The following PLCE1 variants were observed in gnomAD, a reference collection of about 807,000 sequenced individuals.
PLCE1 encodes 1-phosphatidylinositol 4,5-bisphosphate phosphodiesterase epsilon-1.
A neutral mutation model predicts 242.8 loss-of-function variants in PLCE1; 119 were observed. The observed-to-expected ratio is 0.49, with a 90% CI of 0.42 to 0.57. The LOEUF is 0.57. Among genes scored for constraint, PLCE1 ranks in the 20% least tolerant of loss-of-function variants. The probability of loss-of-function intolerance (pLI) is 0.00; values close to 1 mark genes in which losing one functional copy is unlikely to be tolerated. For missense variants in PLCE1, 2,441 were observed against 2,788.8 expected (o/e 0.88, Z 2.81); for synonymous variants, 945 against 1,017.4 (o/e 0.93, Z 1.35).
At chr10:94,039,985 T>C (rs898017804) in intron 2 of PLCE1, among the ~76,000 whole-genome samples, 11 of 152,228 alleles carry the variant, frequency 7.2e-5, no homozygotes, top group Non-Finnish European at 7.3e-5. Flanking sequence ...TATAGATATA[T>C]GAATGAAGAT....
rs1589422307 is a variant in PLCE1 at position 94,252,399 on chromosome 10, C to A, written c.3180C>A (p.Ser1060Arg). 6.2e-7 allele frequency: 1 copy of A among 1,614,018 alleles called. No homozygotes were observed. The highest frequency in any genetic ancestry group is 8.5e-7 in the Non-Finnish European group (1 of 1,179,972). The change falls in exon 9 of 33, where the codon AGC becomes AGA. Residue 1060 changes from serine to arginine, a missense_variant. This residue lies in a region of PLCE1 where 1,004 missense variants were observed against 1,322.7 expected (regional missense o/e 0.76). Transcript: ENST00000371380. Reference sequence around the variant, plus strand: ...GACGGTGGAGTGCTCGAAACCCCAGCCCCGGAACATCAGCAAAGAATGCTG... The same window carrying A: ...GACGGTGGAGTGCTCGAAACCCCAGACCCGGAACATCAGCAAAGAATGCTG... ...GGRRWSARNP[S>R]PGTSAKNAEK...
chr10:94,188,260 T>C (rs1057071149), intron 4 of PLCE1, among the ~76,000 whole-genome samples: 6 of 152,276 alleles, frequency 3.9e-5, no homozygotes, highest in Admixed American at 3.9e-4. Context: ...TGTATATTTA[T>C]AGTCCTTTAA....
intron 2 of PLCE1, among the ~76,000 whole-genome samples, chr10:94,032,771 A>G (rs1478224051): frequency 6.6e-6 from 1 of 152,180 alleles, no homozygotes; most frequent in Non-Finnish European, 1.5e-5. Context: ...AATAGAAATC[A>G]TCATAAAGGA....
intron 23 of PLCE1, among the ~76,000 whole-genome samples, chr10:94,296,946 T>A (rs984265698): frequency 1.3e-5 from 2 of 152,036 alleles, no homozygotes; most frequent in Non-Finnish European, 2.9e-5. Context: ...CGATCTCAGC[T>A]CACTGCAACC....
intron 11 of PLCE1, among the ~76,000 whole-genome samples, chr10:94,256,133 C>T (rs892402917): frequency 1.3e-5 from 2 of 151,392 alleles, no homozygotes; most frequent in African/African-American, 4.9e-5. Flanking sequence ...TCGAGACCAG[C>T]CTGAGCAACA....
chr10:94,027,967 T>A (rs2061485072), intron 1 of PLCE1, among the ~76,000 whole-genome samples: 1 of 152,122 alleles, frequency 6.6e-6, no homozygotes, highest in Non-Finnish European at 1.5e-5. Flanking sequence ...AACAGCATAG[T>A]CTATGGCTAA....
At chr10:94,052,725 A>G (rs1052628373) in intron 2 of PLCE1, among the ~76,000 whole-genome samples, 2 of 152,088 alleles carry the variant, frequency 1.3e-5, no homozygotes, top group Non-Finnish European at 1.5e-5. Flanking sequence ...AAAATTAATT[A>G]TGGCTTTGGG....
At chr10:94,321,062 T>A (rs1316765177) in intron 29 of PLCE1, among the ~76,000 whole-genome samples, 2 of 152,198 alleles carry the variant, frequency 1.3e-5, no homozygotes, top group Admixed American at 1.3e-4. Context: ...ATTAATCTAA[T>A]TCTCATAATT....
intron 6 of PLCE1, chr10:94,235,614 T>TC (rs1448627888): frequency 1.0e-5 from 4 of 390,414 alleles, no homozygotes; most frequent in Non-Finnish European, 1.4e-5. Flanking sequence ...ACCATGCTCT[T>TC]CCTCTGCAAA....
intron 1 of PLCE1, among the ~76,000 whole-genome samples, chr10:94,004,549 A>C (rs1223584): frequency 6.6e-6 from 1 of 151,960 alleles, no homozygotes; most frequent in Non-Finnish European, 1.5e-5. Flanking sequence ...TAGCTACTGC[A>C]TGGGTGTCTT....
chr10:93,995,730 T>C (rs540995000), intron 1 of PLCE1, among the ~76,000 whole-genome samples: 69 of 152,374 alleles, frequency 4.5e-4, no homozygotes, highest in African/African-American at 1.6e-3. Context: ...CCAGGAGCCA[T>C]GTCTTACCAG....
At chr10:94,266,861 A>G (rs771701016) in intron 16 of PLCE1, among the ~76,000 whole-genome samples, 6 of 152,114 alleles carry the variant, frequency 3.9e-5, no homozygotes, top group African/African-American at 7.2e-5. Context: ...TTTAAACTCT[A>G]TTTTCTAAGG....
At chr10:94,177,905 C>G (rs1471714843) in intron 4 of PLCE1, among the ~76,000 whole-genome samples, 1 of 152,204 alleles carries the variant, frequency 6.6e-6, no homozygotes, top group Non-Finnish European at 1.5e-5. Context: ...CTACCTCTCC[C>G]CTCTTTCCTG....
intron 2 of PLCE1, among the ~76,000 whole-genome samples, chr10:94,072,374 T>C (rs1490595015): frequency 6.6e-6 from 1 of 152,082 alleles, no homozygotes; most frequent in Non-Finnish European, 1.5e-5. Flanking sequence ...CCTCCCAGGT[T>C]CACGCCATTC....
At chr10:94,318,189 C>G (rs1020813694) in intron 29 of PLCE1, among the ~76,000 whole-genome samples, 2 of 152,196 alleles carry the variant, frequency 1.3e-5, no homozygotes, top group Non-Finnish European at 2.9e-5. Flanking sequence ...CCCCAGCCTT[C>G]TCTCCCTATT....
At chr10:94,164,451 T>C (rs968488788) in intron 3 of PLCE1, among the ~76,000 whole-genome samples, 5 of 152,242 alleles carry the variant, frequency 3.3e-5, no homozygotes, top group African/African-American at 4.8e-5. Flanking sequence ...AATCAGCTAC[T>C]GAGGCTTGTG....
chr10:94,150,565 T>A (rs1052890654), intron 3 of PLCE1, among the ~76,000 whole-genome samples: 1 of 152,344 alleles, frequency 6.6e-6, no homozygotes, highest in African/African-American at 2.4e-5. Context: ...GGGAAATTCA[T>A]TTCTGCTATC....
chr10:94,060,517 C>A (rs1222752432), intron 2 of PLCE1, among the ~76,000 whole-genome samples: 1 of 152,048 alleles, frequency 6.6e-6, no homozygotes, highest in East Asian at 1.9e-4. Context: ...GACTTTACTT[C>A]CCTGTGCCTT....
chr10:94,273,264 C>A (rs541108427), intron 18 of PLCE1, among the ~76,000 whole-genome samples: 5 of 152,310 alleles, frequency 3.3e-5, no homozygotes, highest in Admixed American at 3.3e-4. Flanking sequence ...CTAACTGATT[C>A]TCTGTTTTCT....
Sources: allele counts gnomAD v4.1 joint callset (sites outside exome capture counted in the v4.1 genomes callset), GRCh38; gene constraint gnomAD v4.1.1; regional missense constraint gnomAD v4.1.1; transcripts MANE v1.5; gene names NCBI Gene and HGNC (gene_info 2026-07-23, HGNC 2026-07-21).